Variants in NLGN4X observed in about 807,000 individuals in gnomAD.
NLGN4X encodes the protein neuroligin-4, X-linked.
Under a neutral mutation model 40.3 loss-of-function variants are expected in NLGN4X, and 3 were observed. The observed-to-expected ratio is 0.07, with a 90% CI of 0.03 to 0.19. The LOEUF is 0.19. Among genes scored for constraint, NLGN4X ranks in the 10% least tolerant of loss-of-function variants. The pLI is 1.00. For missense variants in NLGN4X, 382 were observed against 708.3 expected (o/e 0.54, Z 5.23); for synonymous variants, 270 against 306.8 (o/e 0.88, Z 1.25).
rs780169986 is a variant in NLGN4X, at chrX:6,058,162, G to GCA, written c.473-28732_473-28731dup. Among the ~76,000 whole-genome samples, 711 of 108,554 alleles carry GCA rather than the reference G, an allele frequency of 6.5e-3. 8 individuals are homozygous for GCA. The highest frequency in any genetic ancestry group is 0.042 in the Middle Eastern group (9 of 213). The allele number at this position is 108,554 out of a possible 115,157, so 94.3% of individuals were successfully genotyped here. On this transcript the variant is annotated intron_variant, in intron 2 of 5. Transcript: ENST00000381095. ...ATTACTTTAAAATTTGTGTATACATGCACACACACACACACATGTTCATAC... is the reference window on the plus strand; with the variant it reads ...ATTACTTTAAAATTTGTGTATACATGCACACACACACACACACATGTTCATAC...
At chrX:6,138,541 G>T (rs1043820654) in intron 2 of NLGN4X, among the ~76,000 whole-genome samples, 2 of 111,766 alleles carry the variant, frequency 1.8e-5, no homozygotes, top group African/African-American at 6.5e-5. Flanking sequence ...GGCACTACAG[G>T]TTTATTCATT....
chrX:5,899,466 C>T, intron 5 of NLGN4X, among the ~76,000 whole-genome samples: 1 of 111,618 alleles, frequency 9.0e-6, no homozygotes, highest in South Asian at 3.8e-4. Context: ...AATGTATTCC[C>T]TAAATGCAGG....
At chrX:6,070,747 C>G (rs917359347) in intron 2 of NLGN4X, among the ~76,000 whole-genome samples, 16 of 111,693 alleles carry the variant, frequency 1.4e-4, no homozygotes, top group Non-Finnish European at 3.8e-5. Context: ...CCTCAGGAAA[C>G]TTACAAGCAT....
rs755703676 is a variant in NLGN4X, at chrX:6,089,371, G to A, written c.473-59939C>T. 1.1e-4 allele frequency among the ~76,000 whole-genome samples: 12 copies of A among 112,200 alleles called. No individual in the cohort carries two copies. The East Asian group carries it at 3.4e-3, about 31-fold the overall frequency. On this transcript the variant is annotated intron_variant, in intron 2 of 5. Coordinates refer to ENST00000381095, the MANE Select transcript of NLGN4X (RefSeq NM_181332.3). The stretch of plus-strand genomic sequence containing the variant: ...CATGGCTATACTTTCTGAAGAAGAA[G>A]AAGAACAGCACATTAATGTCTCTGC...
chrX:6,168,751 C>T (rs1011776125), intron 1 of NLGN4X, among the ~76,000 whole-genome samples: 9 of 111,505 alleles, frequency 8.1e-5, no homozygotes, highest in South Asian at 3.8e-4. Context: ...GGATTATAGG[C>T]GTGAGCCACT....
chrX:6,121,593 A>C (rs2039426241), intron 2 of NLGN4X, among the ~76,000 whole-genome samples: 1 of 112,409 alleles, frequency 8.9e-6, no homozygotes, highest in Non-Finnish European at 1.9e-5. Flanking sequence ...GTGTTTTCAG[A>C]CATCTGGCAA....
chrX:6,037,321 T>C (rs1333012386), intron 2 of NLGN4X, among the ~76,000 whole-genome samples: 3 of 107,909 alleles, frequency 2.8e-5, no homozygotes, highest in Non-Finnish European at 5.8e-5. Context: ...AAAATAAAAA[T>C]AAAAATAAAA....
chrX:6,025,142 A>G (rs371276845), intron 3 of NLGN4X, among the ~76,000 whole-genome samples: 292 of 111,514 alleles, frequency 2.6e-3, no homozygotes, highest in African/African-American at 9.1e-3. Context: ...CAATTCAATC[A>G]GAAGACACTT....
At chrX:5,909,029 C>A (rs1200169373) in intron 4 of NLGN4X, 25 bp downstream of exon 4, 1 of 1,207,535 alleles carries the variant, frequency 8.3e-7, no homozygotes, top group East Asian at 3.0e-5. Context: ...TATTTGCCCG[C>A]CCACCCTGGG....
chrX:6,087,153 C>T (rs903306926), intron 2 of NLGN4X, among the ~76,000 whole-genome samples: 3 of 111,730 alleles, frequency 2.7e-5, no homozygotes, highest in Admixed American at 1.9e-4. Context: ...AATATAGGTG[C>T]AGTTATGGTT....
intron 2 of NLGN4X, among the ~76,000 whole-genome samples, chrX:6,049,898 A>G (rs2037437853): frequency 9.0e-6 from 1 of 111,711 alleles, no homozygotes; most frequent in Admixed American, 9.5e-5. Flanking sequence ...TGCTCTCCAC[A>G]CCGTTCACCA....
chrX:6,178,788 C>T (rs1346439876), intron 1 of NLGN4X, among the ~76,000 whole-genome samples: 3 of 111,731 alleles, frequency 2.7e-5, no homozygotes, highest in Non-Finnish European at 3.8e-5. Context: ...CTTTCACGGA[C>T]TTATGCTAAA....
chrX:6,088,595 G>T (rs1327212241), intron 2 of NLGN4X, among the ~76,000 whole-genome samples: 5 of 111,541 alleles, frequency 4.5e-5, no homozygotes, highest in African/African-American at 1.6e-4. Flanking sequence ...ACATTATTAG[G>T]TTACTAAAGG....
At chrX:6,083,108 G>A (rs759487979) in intron 2 of NLGN4X, among the ~76,000 whole-genome samples, 1,034 of 101,867 alleles carry the variant, frequency 0.01, 21 homozygotes, top group African/African-American at 0.036. Flanking sequence ...ACAGGTGCCC[G>A]CCACCTCGCC....
chrX:6,222,009 A>G (rs780757922), intron 1 of NLGN4X, among the ~76,000 whole-genome samples: 1 of 112,175 alleles, frequency 8.9e-6, no homozygotes, highest in East Asian at 2.8e-4. Context: ...ATCAGTGCCA[A>G]TAACACTTTT....
chrX:6,121,468 T>C (rs1384423894), intron 2 of NLGN4X, among the ~76,000 whole-genome samples: 1 of 112,182 alleles, frequency 8.9e-6, no homozygotes, highest in Admixed American at 9.4e-5. Context: ...ATGAAAACTG[T>C]TGGCAATTAA....
intron 3 of NLGN4X, among the ~76,000 whole-genome samples, chrX:6,022,078 T>A (rs2036573809): frequency 8.9e-6 from 1 of 112,498 alleles, no homozygotes; most frequent in Non-Finnish European, 1.9e-5. Flanking sequence ...TCTCACTAAG[T>A]ACAATGCTTA....
chrX:5,990,288 G>A (rs914499439), intron 3 of NLGN4X, among the ~76,000 whole-genome samples: 3 of 111,294 alleles, frequency 2.7e-5, no homozygotes, highest in Non-Finnish European at 5.6e-5. Flanking sequence ...AGATACAGAA[G>A]CTCAAGCTGG....
chrX:6,140,624 C>A, intron 2 of NLGN4X, among the ~76,000 whole-genome samples: 1 of 110,970 alleles, frequency 9.0e-6, no homozygotes. Flanking sequence ...GTCACCCAGG[C>A]TGGAGTGCAC....
Sources: gnomAD v4.1 joint callset for allele counts (sites outside exome capture counted in the v4.1 genomes callset) on GRCh38, gnomAD v4.1.1 for gene constraint, MANE v1.5 for transcripts, NCBI Gene and HGNC (gene_info 2026-07-23, HGNC 2026-07-21) for gene names.